UVRAG: variants seen among roughly 807,000 people sequenced by gnomAD.
The protein encoded by UVRAG is UV radiation resistance associated.
UVRAG carries 19 observed loss-of-function variants against 78.0 expected under a neutral mutation model. The observed-to-expected ratio is 0.24, with a 90% CI of 0.17 to 0.36. The LOEUF (loss-of-function observed/expected upper bound fraction) is 0.36. Ranked by LOEUF, UVRAG falls within the 10% of genes least tolerant of loss-of-function variation. The pLI, the probability that UVRAG is intolerant of heterozygous loss-of-function variation, is 1.00. For missense variants in UVRAG, 740 were observed against 853.8 expected, an observed-to-expected ratio of 0.87 and a Z score of 1.66; for synonymous variants, 323 against 324.6, an observed-to-expected ratio of 1.00 and a Z score of 0.05.
At chr11:75,934,326 A>G (rs1948315682) in intron 6 of UVRAG, among the ~76,000 whole-genome samples, 1 of 152,160 alleles carries the variant, frequency 6.6e-6, no homozygotes, top group South Asian at 2.1e-4. Context: ...AGCAAGAAGT[A>G]TGGTTACCAG....
intron 1 of UVRAG, among the ~76,000 whole-genome samples, chr11:75,817,585 ATTTATCT>A (rs762381406): frequency 1.1e-3 from 163 of 152,188 alleles, no homozygotes; most frequent in Non-Finnish European, 1.9e-3. Context: ...GTTGACATCA[ATTTATCT>A]TTTGGGGTCA....
intron 8 of UVRAG, among the ~76,000 whole-genome samples, chr11:75,986,792 C>G (rs1257887414): frequency 6.6e-6 from 1 of 150,698 alleles, no homozygotes; most frequent in East Asian, 2.0e-4. Flanking sequence ...TAAGTAACCA[C>G]CCCCCTACCT....
At chr11:76,091,484 T>C (rs117615658) in intron 13 of UVRAG, among the ~76,000 whole-genome samples, 2,492 of 152,258 alleles carry the variant, frequency 0.016, 28 homozygotes, top group Non-Finnish European at 0.022. Flanking sequence ...TTTATATCTC[T>C]TCCTGGACTA....
intron 5 of UVRAG, chr11:75,911,584 G>A (rs1358356386): frequency 1.7e-5 from 3 of 174,114 alleles, no homozygotes; most frequent in Admixed American, 6.1e-5. Flanking sequence ...GGGTGGCAGC[G>A]TTGGGCGACA....
At chr11:76,140,072 TCC>T (rs1952681390) in intron 14 of UVRAG, among the ~76,000 whole-genome samples, 2 of 4,884 alleles carry the variant, frequency 4.1e-4, no homozygotes, top group Non-Finnish European at 7.2e-4. Context: ...CCTCCCTCCC[TCC>T]CTCCCTCCCC....
intron 6 of UVRAG, chr11:75,935,122 A>G (rs1045321495): frequency 6.6e-6 from 1 of 152,130 alleles, no homozygotes; most frequent in Non-Finnish European, 1.5e-5. Context: ...GTGATCATCA[A>G]CCTTTACAAA....
At chr11:75,879,750 A>C in intron 3 of UVRAG, 129 bp from the exon 4 acceptor site, 1 of 1,200,796 alleles carries the variant, frequency 8.3e-7, no homozygotes, top group East Asian at 2.3e-5. Flanking sequence ...TTCTTGGCTT[A>C]CTTAAGTTTG....
At chr11:75,977,491 A>T (rs1041067393) in intron 7 of UVRAG, among the ~76,000 whole-genome samples, 4 of 151,996 alleles carry the variant, frequency 2.6e-5, no homozygotes, top group African/African-American at 7.2e-5. Flanking sequence ...TCCCATTATT[A>T]TTGTGTGGGA....
At chr11:75,865,308 A>C (rs1946513835) in intron 3 of UVRAG, among the ~76,000 whole-genome samples, 1 of 151,310 alleles carries the variant, frequency 6.6e-6, no homozygotes, top group Admixed American at 6.6e-5. Context: ...AAAAAAAAAA[A>C]AGATAAAAAA....
chr11:75,829,055 C>A (rs376456505), intron 1 of UVRAG, among the ~76,000 whole-genome samples: 366 of 151,924 alleles, frequency 2.4e-3, no homozygotes, highest in African/African-American at 7.4e-3. Context: ...TGTAGAGTTG[C>A]AGAATTTCTT....
At chr11:76,001,196 A>T (rs1304781378) in intron 8 of UVRAG, among the ~76,000 whole-genome samples, 1 of 152,244 alleles carries the variant, frequency 6.6e-6, no homozygotes, top group Non-Finnish European at 1.5e-5. Flanking sequence ...TGTCTGGAAA[A>T]TTCCAAATAT....
At chr11:75,958,674 A>G (rs1334980082) in intron 6 of UVRAG, among the ~76,000 whole-genome samples, 4 of 152,198 alleles carry the variant, frequency 2.6e-5, no homozygotes, top group Non-Finnish European at 5.9e-5. Flanking sequence ...TGATATTTTT[A>G]TCTACTCCCA....
At chr11:76,014,862 TA>T (rs984237914) in intron 11 of UVRAG, among the ~76,000 whole-genome samples, 6 of 152,184 alleles carry the variant, frequency 3.9e-5, no homozygotes, top group Non-Finnish European at 7.4e-5. Flanking sequence ...GTCCCTAAGG[TA>T]GTCTGATGTA....
At chr11:75,920,217 G>T (rs796314625) in intron 6 of UVRAG, among the ~76,000 whole-genome samples, 1 of 150,776 alleles carries the variant, frequency 6.6e-6, no homozygotes, top group Non-Finnish European at 1.5e-5. Flanking sequence ...AGTAGAGACG[G>T]GGTTTCACCA....
intron 13 of UVRAG, among the ~76,000 whole-genome samples, chr11:76,094,860 T>C (rs1430467639): frequency 6.6e-6 from 1 of 152,112 alleles, no homozygotes; most frequent in Admixed American, 6.5e-5. Context: ...AGAGTGTAAT[T>C]TGGCTGGGCT....
At chr11:75,890,145 C>T (rs577132890) in intron 5 of UVRAG, among the ~76,000 whole-genome samples, 123 of 152,242 alleles carry the variant, frequency 8.1e-4, no homozygotes, top group African/African-American at 1.6e-3. Flanking sequence ...GGCCACAGCA[C>T]GCAGAACTTT....
chr11:75,861,849 T>C (rs79090323), intron 3 of UVRAG, 69 bp downstream of exon 3: 61,491 of 1,316,566 alleles, frequency 0.047, 1,855 homozygotes, highest in African/African-American at 0.14. Flanking sequence ...TGCAGAAATG[T>C]AAAATAAGTT....
chr11:76,051,570 G>A (rs1321037033), intron 12 of UVRAG, among the ~76,000 whole-genome samples: 2 of 152,092 alleles, frequency 1.3e-5, no homozygotes, highest in African/African-American at 4.8e-5. Context: ...TAAAAAAAAG[G>A]AGGGGGGATT....
intron 13 of UVRAG, among the ~76,000 whole-genome samples, chr11:76,066,675 T>C (rs1410967204): frequency 1.3e-5 from 2 of 152,164 alleles, no homozygotes; most frequent in Admixed American, 1.3e-4. Context: ...GGTTTCACCG[T>C]GTTAGGCAGA....
Sources: gnomAD v4.1 joint callset for allele counts (sites outside exome capture counted in the v4.1 genomes callset) on GRCh38, gnomAD v4.1.1 for gene constraint, MANE v1.5 for transcripts, NCBI Gene and HGNC (gene_info 2026-07-23, HGNC 2026-07-21) for gene names.